CCL25: variants seen among roughly 807,000 people sequenced by gnomAD.
CCL25 encodes the protein C-C motif chemokine 25.
CCL25 carries 14 observed loss-of-function variants against 19.9 expected under a neutral mutation model. The ratio of observed to expected loss-of-function variants is 0.70; its 90% CI spans 0.47 to 1.10. CCL25 has a LOEUF of 1.10. Ranked by LOEUF, CCL25 falls within the 50% of genes least tolerant of loss-of-function variation. The probability of loss-of-function intolerance (pLI) is 0.00; values close to 1 mark genes in which losing one functional copy is unlikely to be tolerated. For missense variants in CCL25, 151 were observed against 181.2 expected, an observed-to-expected ratio of 0.83 and a Z score of 0.96; for synonymous variants, 68 against 73.2, an observed-to-expected ratio of 0.93 and a Z score of 0.36.
intron 4 of CCL25, among the ~76,000 whole-genome samples, chr19:8,057,281 A>G (rs975635386): frequency 6.6e-6 from 1 of 151,818 alleles, no homozygotes; most frequent in South Asian, 2.1e-4. Context: ...TGGCCTCCCA[A>G]AGCACTGGGA....
chr19:8,053,973 C>A (rs183311456), intron 2 of CCL25, among the ~76,000 whole-genome samples: 43 of 152,286 alleles, frequency 2.8e-4, no homozygotes, highest in African/African-American at 9.9e-4. Flanking sequence ...TCATGTCTGG[C>A]GGCGGCAATA....
Position 8,056,214 on chromosome 19 carries a change from G to A in CCL25, c.136G>A (p.Ala46Thr), listed in dbSNP as rs750634500. The change falls in exon 3 of 6, where the codon GCC becomes ACC. Residue 46 changes from alanine to threonine, a missense_variant. Coordinates refer to ENST00000315626, the MANE Select transcript of CCL25 (RefSeq NM_005624.4). ...YPIGWAVLRR[A>T]WTYRIQEVSG... is the part of the protein sequence containing the mutation. ...CATTGGGTGGGCTGTGCTCCGGCGC[G>A]CCTGGACTTACCGGATCCAGGAGGT... is the stretch of plus-strand genomic sequence containing the variant. 5.7e-6 allele frequency: 9 copies of A among 1,580,780 alleles called. No homozygotes were observed. The highest frequency in any genetic ancestry group is 1.8e-5 in the Admixed American group (1 of 55,866).
Position 8,056,150 on chromosome 19 carries a change from A to G in CCL25, c.74-2A>G. The G allele has an allele frequency of 6.5e-7, 1 of 1,536,522 alleles. No homozygotes were observed. Among genetic ancestry groups the G allele is most frequent in the Non-Finnish European group, 8.7e-7 (1 of 1,142,882 alleles). ...AGTATCTGGGCGGCTGTGTGGTTGC[A>G]GGTGTCTTTGAGGACTGCTGCCTGG... On this transcript the variant is annotated splice_acceptor_variant, in intron 2 of 5. Coordinates refer to ENST00000315626, the MANE Select transcript of CCL25 (RefSeq NM_005624.4). LOFTEE classifies it high-confidence loss of function.
chr19:8,053,008 G>A lies in CCL25; in HGVS notation c.-42G>A, dbSNP rs546779265. On this transcript the variant is annotated 5_prime_UTR_variant, in exon 2 of 6. Transcript: ENST00000315626. ...TCCCTCCACGACCCCAGGTGGCCCC[G>A]TTATTCGTCCAGGTGCCCAGGGAGG... 1,655 of 1,469,626 alleles carry A rather than the reference G, an allele frequency of 1.1e-3. 44 individuals carry two copies. In the South Asian group the frequency reaches 0.019, roughly 17 times the overall value. 91.0% of individuals were successfully genotyped at this position (1,469,626 alleles called of 1,614,324 possible). A position where few individuals can be genotyped will look rare whatever the true frequency, so the allele number is the denominator to read the frequency against.
intron 2 of CCL25, among the ~76,000 whole-genome samples, chr19:8,055,367 A>G (rs1599228709): frequency 7.4e-6 from 1 of 135,122 alleles, no homozygotes; most frequent in Non-Finnish European, 1.6e-5. Flanking sequence ...ACGGTGTCTC[A>G]CTCTGTCGCC....
rs534635531 is a variant in CCL25, at chr19:8,055,929, C to T, written c.74-223C>T. Among the ~76,000 whole-genome samples the T allele has an allele frequency of 8.5e-5, 13 of 152,266 alleles. No individual in the cohort carries two copies. In the South Asian group the frequency reaches 1.9e-3, roughly 22 times the overall value. On this transcript the variant is annotated intron_variant, in intron 2 of 5. Coordinates refer to ENST00000315626, the MANE Select transcript of CCL25 (RefSeq NM_005624.4). ...TTGCTGGTTCCACACCCTTCCCAGC[C>T]GGGACCCAAGGGTCCTCTCCAACCT...
At chr19:8,058,035 G>C (rs1313498909) in intron 5 of CCL25, 115 bp downstream of exon 5, 6 of 1,477,976 alleles carry the variant, frequency 4.1e-6, no homozygotes, top group Admixed American at 2.1e-5. Context: ...CAGGAGAGGT[G>C]GTTGTGCGGT....
chr19:8,056,644 G>A (rs2081274721), intron 4 of CCL25, 145 bp downstream of exon 4: 2 of 884,790 alleles, frequency 2.3e-6, no homozygotes, highest in Non-Finnish European at 3.4e-6. Context: ...GCTGGTGAGT[G>A]GGGCACCAAG....
At chr19:8,053,691 G>A (rs2081248991) in intron 2 of CCL25, among the ~76,000 whole-genome samples, 1 of 151,968 alleles carries the variant, frequency 6.6e-6, no homozygotes, top group Non-Finnish European at 1.5e-5. Flanking sequence ...TGGGACTACA[G>A]GCGTGTGTAC....
At chr19:8,054,127 T>A (rs3136651) in intron 2 of CCL25, among the ~76,000 whole-genome samples, 17,213 of 152,232 alleles carry the variant, frequency 0.11, 1,220 homozygotes, top group Non-Finnish European at 0.15. Context: ...GGGTCCTACA[T>A]CCTCTGAGTT....
At chr19:8,053,442 G>A (rs561017154) in intron 2 of CCL25, among the ~76,000 whole-genome samples, 23 of 152,134 alleles carry the variant, frequency 1.5e-4, no homozygotes, top group East Asian at 7.7e-4. Context: ...TAATCCTGCC[G>A]AGCCAGGGGT....
intron 5 of CCL25, among the ~76,000 whole-genome samples, chr19:8,060,892 G>A (rs2145300115): frequency 6.6e-6 from 1 of 151,676 alleles, no homozygotes; most frequent in South Asian, 2.1e-4. Flanking sequence ...GTGTTAGCCA[G>A]GATGGTCTCG....
At position 8,062,137 on chromosome 19, in the gene CCL25, TG is replaced by T. The variant is rs1373211079; in HGVS notation, c.446-79del. The T allele has an allele frequency of 9.4e-6, 13 of 1,379,920 alleles. No individual in the cohort carries two copies. The African/African-American group carries it at 1.8e-4, about 19-fold the overall frequency. 85.5% of individuals were successfully genotyped at this position (1,379,920 alleles called of 1,614,324 possible). On this transcript the variant is annotated intron_variant, in intron 5 of 5. Coordinates refer to ENST00000315626, the MANE Select transcript of CCL25 (RefSeq NM_005624.4). ...CAAGGGTTTTAGGAGCTGTAGGGAC[TG>T]GAGGTAGAGACAAATGCATATAGTT...
At position 8,056,528 on chromosome 19, in the gene CCL25, G is replaced by A. The variant is rs189761838; in HGVS notation, c.325+29G>A. The A allele has an allele frequency of 6.2e-6, 10 of 1,613,136 alleles. No individual in the cohort carries two copies. In the East Asian group the frequency reaches 1.1e-4, roughly 18 times the overall value. The stretch of plus-strand genomic sequence containing the variant: ...GGCAAGACCTCTGCTGGGCATCTAG[G>A]GGGCCTGCCCTCCCTGCCTGCAAGC... On this transcript the variant is annotated intron_variant, in intron 4 of 5. Coordinates refer to ENST00000315626, the MANE Select transcript of CCL25 (RefSeq NM_005624.4).
intron 1 of CCL25, 89 bp downstream of exon 1, chr19:8,052,911 C>T (rs989171263): frequency 1.8e-6 from 1 of 557,652 alleles, no homozygotes; most frequent in Non-Finnish European, 3.2e-6. Context: ...CTTCCCTTGC[C>T]ATATGCCTGG....
chr19:8,062,062 A>AAT (rs1342557253), intron 5 of CCL25, among the ~76,000 whole-genome samples, 156 bp from the exon 6 acceptor site: 1 of 151,686 alleles, frequency 6.6e-6, no homozygotes, highest in Non-Finnish European at 1.5e-5. Flanking sequence ...AAAAAAAAAA[A>AAT]AAAAAAGTTA....
chr19:8,056,282 G>A lies in CCL25; in HGVS notation c.191+13G>A, dbSNP rs200621482. On this transcript the variant is annotated intron_variant, in intron 3 of 5. Coordinates refer to ENST00000315626, the MANE Select transcript of CCL25 (RefSeq NM_005624.4). ...TGCCTGCTGCGATGTGAGTGGGGCC[G>A]TGGGGGCTGGGGGGGTGGGGTGCAC... is the stretch of plus-strand genomic sequence containing the variant. 10 of 1,594,800 alleles carry A rather than the reference G, an allele frequency of 6.3e-6. No individual in the cohort carries two copies. The highest frequency in any genetic ancestry group is 1.8e-4 in the Middle Eastern group (1 of 5,494).
At chr19:8,057,076 A>G (rs1187260200) in intron 4 of CCL25, among the ~76,000 whole-genome samples, 2 of 152,144 alleles carry the variant, frequency 1.3e-5, no homozygotes, top group Non-Finnish European at 2.9e-5. Context: ...GCTGGAGTGC[A>G]GTGGCACGAT....
At chr19:8,056,301 G>GTTT in intron 3 of CCL25, 32 bp downstream of exon 3, 1 of 549,182 alleles carries the variant, frequency 1.8e-6, no homozygotes, top group Non-Finnish European at 3.6e-6. Flanking sequence ...GGGGGGGTGG[G>GTTT]GTGCACACAC....
Sources: gnomAD v4.1 joint callset for allele counts (sites outside exome capture counted in the v4.1 genomes callset) on GRCh38, gnomAD v4.1.1 for gene constraint, MANE v1.5 for transcripts, NCBI Gene and HGNC (gene_info 2026-07-23, HGNC 2026-07-21) for gene names.